Variants in TPD52L2 observed in about 807,000 individuals in gnomAD.
TPD52L2 encodes the protein tumor protein D54.
In TPD52L2, 19 loss-of-function variants were observed where a neutral mutation model predicts 24.7. The observed-to-expected ratio is 0.77, with a 90% CI of 0.54 to 1.13. TPD52L2 has a LOEUF of 1.13. Ranked by LOEUF, TPD52L2 falls within the 50% of genes most tolerant of loss-of-function variation. TPD52L2 has a pLI of 0.00. For synonymous variants in TPD52L2, 104 were observed against 100.2 expected, an observed-to-expected ratio of 1.04 and a Z score of -0.23; for missense variants, 236 against 250.4, an observed-to-expected ratio of 0.94 and a Z score of 0.39.
chr20:63,869,101 T>A (rs2052366178), intron 1 of TPD52L2, among the ~76,000 whole-genome samples, 195 bp from the exon 2 acceptor site: 2 of 152,356 alleles, frequency 1.3e-5, no homozygotes, highest in East Asian at 3.9e-4. Flanking sequence ...CATTGGCTTT[T>A]CAGCTCAGGT....
In TPD52L2 at chr20:63,865,318, G is replaced by T. The variant is rs1473635833; in HGVS notation, c.-48G>T. The T allele has an allele frequency of 3.3e-6, 5 of 1,504,202 alleles. No homozygotes were observed. Among genetic ancestry groups the T allele is most frequent in the South Asian group, 1.2e-5 (1 of 80,634 alleles). 93.2% of individuals were successfully genotyped at this position (1,504,202 alleles called of 1,614,324 possible). A position where few individuals can be genotyped will look rare whatever the true frequency, so the allele number is the denominator to read the frequency against. ...CGGCGAGCTTCTCCCGGCGCCGCCC[G>T]CTCGGCTCCCATAGCGCCCGCGACA... On this transcript the variant is annotated 5_prime_UTR_variant, in exon 1 of 7. Coordinates refer to ENST00000346249, the MANE Select transcript of TPD52L2 (RefSeq NM_003288.4).
chr20:63,888,519 A>G (rs1353465577), intron 5 of TPD52L2: 5 of 138,092 alleles, frequency 3.6e-5, no homozygotes, highest in Admixed American at 7.1e-5. Context: ...CAGCCCCCCA[A>G]CTGCACAGAC....
chr20:63,877,030 T>G lies in TPD52L2; in HGVS notation c.374+1155T>G. ...GTTGCCCTGGGTTTTTTTTGTTTGT[T>G]TGGTTTTTTTTTTGAGACAACGTCT... On this transcript the variant is annotated intron_variant, in intron 4 of 6. Transcript: ENST00000346249. The surrounding 1 kb of genome is among the most constrained non-coding windows in gnomAD (Gnocchi z 4.1). 1 of 442,786 alleles carries G rather than the reference T, an allele frequency of 2.3e-6. No homozygotes were observed. The highest frequency in any genetic ancestry group is 1.6e-5 in the South Asian group (1 of 62,094). The allele number at this position is 442,786 out of a possible 1,614,324, so 27.4% of individuals were successfully genotyped here. A position where few individuals can be genotyped will look rare whatever the true frequency, so the allele number is the denominator to read the frequency against.
chr20:63,888,268 T>C (rs904281111), intron 5 of TPD52L2: 2 of 153,720 alleles, frequency 1.3e-5, no homozygotes, highest in Admixed American at 6.4e-5. Flanking sequence ...GCTGGCCTGC[T>C]TTCTCCTCTT....
chr20:63,878,878 T>TGCTG (rs972726273), intron 4 of TPD52L2, among the ~76,000 whole-genome samples: 33 of 152,224 alleles, frequency 2.2e-4, no homozygotes, highest in Non-Finnish European at 2.2e-4. Flanking sequence ...TGGGTGCAGA[T>TGCTG]GCTGGCTCTG....
At chr20:63,875,946 G>A in intron 4 of TPD52L2, 71 bp downstream of exon 4, 6 of 1,479,066 alleles carry the variant, frequency 4.1e-6, no homozygotes, top group South Asian at 1.2e-5. Context: ...GGGGAAGGGG[G>A]CTGTGCACAC....
At position 63,889,211 on chromosome 20, in the gene TPD52L2, G is replaced by A. The variant is rs200954062; in HGVS notation, c.498G>A (p.Ser166=). The part of the protein sequence containing the change: ...GDMRNSATFK[S]FEDRVGTIKS... Reference sequence around the variant, plus strand: ...AAAGGAACTCTGCGACCTTCAAGTCGTTTGAGGACCGAGTTGGGACCATAA... The same window carrying A: ...AAAGGAACTCTGCGACCTTCAAGTCATTTGAGGACCGAGTTGGGACCATAA... Residue 166 remains serine (S), a synonymous_variant, in exon 6 of 7, where the codon TCG becomes TCA. Transcript: ENST00000346249. 2.4e-5 allele frequency: 38 copies of A among 1,613,500 alleles called. No individual in the cohort carries two copies. Among genetic ancestry groups the A allele is most frequent in the African/African-American group, 6.7e-5 (5 of 75,036 alleles).
rs1040365463 is a variant in TPD52L2 at position 63,870,528 on chromosome 20, T to G, written c.165+1087T>G. On this transcript the variant is annotated intron_variant, in intron 2 of 6. Coordinates refer to ENST00000346249, the MANE Select transcript of TPD52L2 (RefSeq NM_003288.4). Reference sequence around the variant, plus strand: ...AATTACAATAAGGTGAAGTTTTTTTTTTTTTTTTTTTTTTTTTGAGTCGGA... The same window carrying G: ...AATTACAATAAGGTGAAGTTTTTTTGTTTTTTTTTTTTTTTTTGAGTCGGA... Among the ~76,000 whole-genome samples the G allele has an allele frequency of 3.1e-3, 423 of 136,600 alleles. 5 individuals are homozygous for G. The highest frequency in any genetic ancestry group is 2.4e-3 in the Non-Finnish European group (150 of 62,558). 89.6% of individuals were successfully genotyped at this position (136,600 alleles called of 152,430 possible). A position where few individuals can be genotyped will look rare whatever the true frequency, so the allele number is the denominator to read the frequency against.
intron 5 of TPD52L2, among the ~76,000 whole-genome samples, chr20:63,886,392 G>T (rs893556223): frequency 6.6e-5 from 10 of 150,470 alleles, no homozygotes; most frequent in Admixed American, 1.3e-4. Flanking sequence ...ACGGAGTCTT[G>T]CTCTGTCGCC....
At chr20:63,866,395 G>A (rs949181058) in intron 1 of TPD52L2, among the ~76,000 whole-genome samples, 1 of 151,974 alleles carries the variant, frequency 6.6e-6, no homozygotes, top group African/African-American at 2.4e-5. Context: ...GAGCCACTGT[G>A]CCCGGCTACA....
rs553413293 is a variant in TPD52L2, at chr20:63,886,168, A to T, written c.477-3022A>T. ...TGAAAGTGGGATCACCCCTTCCAGG[A>T]CAGCAGTGCCAGCCAGGTGGTTGCT... On this transcript the variant is annotated intron_variant, in intron 5 of 6. Coordinates refer to ENST00000346249, the MANE Select transcript of TPD52L2 (RefSeq NM_003288.4). 5.1e-5 allele frequency: 47 copies of T among 929,180 alleles called. No individual in the cohort carries two copies. In the African/African-American group the frequency reaches 6.4e-4, roughly 13 times the overall value. The allele number at this position is 929,180 out of a possible 1,614,324, so 57.6% of individuals were successfully genotyped here. A position where few individuals can be genotyped will look rare whatever the true frequency, so the allele number is the denominator to read the frequency against.
intron 4 of TPD52L2, chr20:63,876,716 AC>A (rs1218609604): frequency 2.2e-6 from 1 of 454,334 alleles, no homozygotes. Context: ...GTCCTGGGGG[AC>A]CAGGCTGGCA....
intron 4 of TPD52L2, among the ~76,000 whole-genome samples, chr20:63,881,401 T>G (rs1473320893): frequency 2.0e-5 from 3 of 148,754 alleles, no homozygotes; most frequent in African/African-American, 7.4e-5. Context: ...CTGGTAGGCC[T>G]TGGGCCGGGG....
In TPD52L2 at chr20:63,886,402, C is replaced by A. The variant is rs909980799; in HGVS notation, c.477-2788C>A. ...TTTAGACGGAGTCTTGCTCTGTCGCCCAGGTTGGAGTGCCGTGGCGCGATC... is the reference window on the plus strand; with the variant it reads ...TTTAGACGGAGTCTTGCTCTGTCGCACAGGTTGGAGTGCCGTGGCGCGATC... On this transcript the variant is annotated intron_variant, in intron 5 of 6. Transcript: ENST00000346249. Among the ~76,000 whole-genome samples, 17 of 152,058 alleles carry A rather than the reference C, an allele frequency of 1.1e-4. No individual in the cohort carries two copies. In the East Asian group the frequency reaches 1.2e-3, roughly 10 times the overall value.
intron 5 of TPD52L2, among the ~76,000 whole-genome samples, chr20:63,883,788 G>T (rs998782877): frequency 1.3e-5 from 2 of 150,502 alleles, no homozygotes; most frequent in Non-Finnish European, 3.0e-5. Flanking sequence ...GCCCCTGCAG[G>T]ATTCAGAGAT....
intron 6 of TPD52L2, 127 bp from the exon 7 acceptor site, chr20:63,889,723 C>A: frequency 1.1e-6 from 1 of 888,690 alleles, no homozygotes; most frequent in Non-Finnish European, 1.7e-6. Flanking sequence ...TGATTTGCTC[C>A]CTGTCCCTGC....
intron 2 of TPD52L2, among the ~76,000 whole-genome samples, chr20:63,871,113 G>A (rs1486671093): frequency 1.3e-5 from 2 of 152,052 alleles, no homozygotes; most frequent in Non-Finnish European, 2.9e-5. Context: ...CGTGATCTCA[G>A]CTCACTGGAG....
rs374088914 is a variant in TPD52L2, at chr20:63,865,464, G to T, written c.19+80G>T. ...CTCCGTCTCCCGGGGTCGCGTCTGCGACTCTCTGTCCTCTCGGTCTCGGTT... is the reference window on the plus strand; with the variant it reads ...CTCCGTCTCCCGGGGTCGCGTCTGCTACTCTCTGTCCTCTCGGTCTCGGTT... On this transcript the variant is annotated intron_variant, in intron 1 of 6. Coordinates refer to ENST00000346249, the MANE Select transcript of TPD52L2 (RefSeq NM_003288.4). 5.4e-6 allele frequency: 8 copies of T among 1,478,048 alleles called. 1 individual carries two copies. In the South Asian group the frequency reaches 1.0e-4, roughly 19 times the overall value. The allele number at this position is 1,478,048 out of a possible 1,614,324, so 91.6% of individuals were successfully genotyped here.
chr20:63,873,545 C>T, intron 2 of TPD52L2, 123 bp from the exon 3 acceptor site: 3 of 1,123,384 alleles, frequency 2.7e-6, no homozygotes, highest in Non-Finnish European at 2.5e-6. Context: ...TGCTGTTATT[C>T]CTAGGACGAG....
Sources: allele counts gnomAD v4.1 joint callset (sites outside exome capture counted in the v4.1 genomes callset), GRCh38; gene constraint gnomAD v4.1.1; non-coding constraint Gnocchi (gnomAD v3.1); transcripts MANE v1.5; gene names NCBI Gene and HGNC (gene_info 2026-07-23, HGNC 2026-07-21).